Variants in EMC10 observed in about 807,000 individuals in gnomAD.
The protein encoded by EMC10 is UPF0510 protein INM02.
Under a neutral mutation model 32.2 loss-of-function variants are expected in EMC10, and 40 were observed. The ratio of observed to expected loss-of-function variants is 1.24; its 90% CI spans 0.96 to 1.61. EMC10 has a LOEUF of 1.61. Ranked by LOEUF, EMC10 falls within the 40% of genes most tolerant of loss-of-function variation. The pLI is 0.00. For synonymous variants in EMC10, 178 were observed against 158.4 expected (o/e 1.12, Z -0.93); for missense variants, 402 against 357.7 (o/e 1.12, Z -1.00).
intron 2 of EMC10, 109 bp from the exon 3 acceptor site, chr19:50,478,848 G>T: frequency 1.3e-6 from 1 of 742,636 alleles, no homozygotes; most frequent in East Asian, 2.7e-5. Flanking sequence ...AGGGAACCTG[G>T]TCACTCGGGT....
Position 50,488,251 on chromosome 19 carries a change from G to T in EMC10, c.*5992G>T, listed in dbSNP as rs1481973115. 7.4e-6 allele frequency: 1 copy of T among 134,766 alleles called. No homozygotes were observed. Among genetic ancestry groups the T allele is most frequent in the Non-Finnish European group, 1.5e-5 (1 of 65,224 alleles). The allele number at this position is 134,766 out of a possible 1,614,324, so 8.3% of individuals were successfully genotyped here. A position where few individuals can be genotyped will look rare whatever the true frequency, so the allele number is the denominator to read the frequency against. On this transcript the variant is annotated 3_prime_UTR_variant, in exon 7 of 7. Coordinates refer to ENST00000334976, the MANE Select transcript of EMC10 (RefSeq NM_206538.4). ...GCGGAGCTTGCAGTGAGCCGAGATT[G>T]CGCCACTGCACTCCAGCCTGGGCGA...
At position 50,483,039 on chromosome 19, in the gene EMC10, A is replaced by C; in HGVS notation, c.*780A>C. 1 of 551,938 alleles carries C rather than the reference A, an allele frequency of 1.8e-6. No individual in the cohort carries two copies. The highest frequency in any genetic ancestry group is 2.2e-5 in the Admixed American group (1 of 45,002). The allele number at this position is 551,938 out of a possible 1,614,324, so 34.2% of individuals were successfully genotyped here. A position where few individuals can be genotyped will look rare whatever the true frequency, so the allele number is the denominator to read the frequency against. On this transcript the variant is annotated 3_prime_UTR_variant, in exon 7 of 7. Coordinates refer to ENST00000334976, the MANE Select transcript of EMC10 (RefSeq NM_206538.4). ...CCTCCACCACCCCCCGCCGCCCAGC[A>C]TCCTACCTGGACTGCGGTGCTACGA...
intron 1 of EMC10, 170 bp downstream of exon 1, chr19:50,476,828 G>A (rs2040231999): frequency 3.8e-6 from 2 of 528,010 alleles, no homozygotes; most frequent in South Asian, 5.2e-5. Flanking sequence ...GGCCTCGCCA[G>A]TGCACCGGGT....
In EMC10 at chr19:50,487,436, G is replaced by A. The variant is rs1028371346; in HGVS notation, c.*5177G>A. 6.6e-6 allele frequency: 1 copy of A among 152,466 alleles called. No homozygotes were observed. The highest frequency in any genetic ancestry group is 2.4e-5 in the African/African-American group (1 of 41,450). The allele number at this position is 152,466 out of a possible 1,614,324, so 9.4% of individuals were successfully genotyped here. On this transcript the variant is annotated 3_prime_UTR_variant, in exon 7 of 7. Transcript: ENST00000334976. ...AAGTTGCTTCCTGTCTCTGAGCGTC[G>A]TCTTTGTTTCCGCCTTCCTGGGCCT... is the stretch of plus-strand genomic sequence containing the variant.
At chr19:50,481,991 T>G (rs968656298) in intron 6 of EMC10, 158 bp from the exon 7 acceptor site, 8 of 1,602,866 alleles carry the variant, frequency 5.0e-6, no homozygotes, top group African/African-American at 2.7e-5. Context: ...CCACTGGCCC[T>G]CCCTGACCTG....
chr19:50,478,737 G>C (rs2040269785), intron 2 of EMC10, among the ~76,000 whole-genome samples: 2 of 152,214 alleles, frequency 1.3e-5, no homozygotes. Flanking sequence ...CAGGATTTGG[G>C]AGCTGTGGGG....
intron 1 of EMC10, chr19:50,476,888 C>CG (rs764330009): frequency 1.3e-5 from 5 of 390,348 alleles, no homozygotes; most frequent in Non-Finnish European, 2.3e-5. Flanking sequence ...GGCTCTGGCT[C>CG]GGGAATATGT....
At position 50,486,102 on chromosome 19, in the gene EMC10, T is replaced by C. The variant is rs1978342682; in HGVS notation, c.*3843T>C. ...TTGCATGGCAAACAATCCTAAAATA[T>C]ACAAGACTACATTTAGTATTTTGTA... On this transcript the variant is annotated 3_prime_UTR_variant, in exon 7 of 7. Coordinates refer to ENST00000334976, the MANE Select transcript of EMC10 (RefSeq NM_206538.4). The C allele has an allele frequency of 6.6e-6, 1 of 152,206 alleles. No homozygotes were observed. The highest frequency in any genetic ancestry group is 6.6e-5 in the Admixed American group (1 of 15,266). The allele number at this position is 152,206 out of a possible 1,614,324, so 9.4% of individuals were successfully genotyped here.
Position 50,480,559 on chromosome 19 carries a change from A to G in EMC10, c.403-22A>G, listed in dbSNP as rs2040301466. On this transcript the variant is annotated intron_variant, in intron 4 of 6. Coordinates refer to ENST00000334976, the MANE Select transcript of EMC10 (RefSeq NM_206538.4). The surrounding 1 kb of genome is among the most constrained non-coding windows in gnomAD (Gnocchi z 4.4). ...CCCAGGCAGCAGGCTCCCCACCTCC[A>G]CTGACCCCACTCCCCCCACAGTGCT... 1.9e-6 allele frequency: 3 copies of G among 1,549,194 alleles called. No homozygotes were observed. Among genetic ancestry groups the G allele is most frequent in the Admixed American group, 2.0e-5 (1 of 50,828 alleles).
At position 50,479,037 on chromosome 19, in the gene EMC10, C is replaced by T. The variant is rs372370242; in HGVS notation, c.268C>T (p.Leu90Phe). The T allele has an allele frequency of 4.3e-5, 70 of 1,609,232 alleles. No homozygotes were observed. The highest frequency in any genetic ancestry group is 5.6e-5 in the Non-Finnish European group (66 of 1,178,828). The change falls in exon 3 of 7, where the codon CTC (leucine) becomes TTC (phenylalanine). Residue 90 changes from leucine to phenylalanine, a missense_variant. Leu to Phe is a conservative substitution (Grantham distance 22). Coordinates refer to ENST00000334976, the MANE Select transcript of EMC10 (RefSeq NM_206538.4). ...DGTLSLSQRQ[L>F]SEEERGRLRD... ...TACCTTGTCCCTGTCACAGCGGCAG[C>T]TCAGCGAGGAGGAGCGGGGCCGACT...
rs1458867074 is a variant in EMC10 at position 50,484,864 on chromosome 19, C to T, written c.*2605C>T. ...ACAAAAGATGCAGTGGAATCCACGT[C>T]CAGAAACTGTATGCTCACTCTGGGC... is the stretch of plus-strand genomic sequence containing the variant. On this transcript the variant is annotated 3_prime_UTR_variant, in exon 7 of 7. Coordinates refer to ENST00000334976, the MANE Select transcript of EMC10 (RefSeq NM_206538.4). 5 of 152,190 alleles carry T rather than the reference C, an allele frequency of 3.3e-5. No individual in the cohort carries two copies. 9.4% of individuals were successfully genotyped at this position (152,190 alleles called of 1,614,324 possible).
In EMC10 at chr19:50,478,959, GACAGTGCCA is replaced by G; in HGVS notation, c.193_201del (p.Ser65_Asn67del). ...CTCTGAACCTGAGCTCCTCACAGAT[GACAGTGCCA>G]ACTTCCGGAAGCGGGGCTCACTGCT... On this transcript the variant is annotated inframe_deletion, in exon 3 of 7. Coordinates refer to ENST00000334976, the MANE Select transcript of EMC10 (RefSeq NM_206538.4). 6.2e-7 allele frequency: 1 copy of G among 1,604,956 alleles called. No homozygotes were observed. Among genetic ancestry groups the G allele is most frequent in the Non-Finnish European group, 8.5e-7 (1 of 1,176,350 alleles).
At position 50,483,243 on chromosome 19, in the gene EMC10, T is replaced by TA. The variant is rs1202109682; in HGVS notation, c.*985dup. ...TGATTGAAATTCACTGCTCACTTGA[T>TA]ACGTTATTCAGAAACCCAAGGAATG... On this transcript the variant is annotated 3_prime_UTR_variant, in exon 7 of 7. Transcript: ENST00000334976. 31 of 405,402 alleles carry TA rather than the reference T, an allele frequency of 7.6e-5. No individual in the cohort carries two copies. Among genetic ancestry groups the TA allele is most frequent in the South Asian group, 4.6e-4 (26 of 56,278 alleles). 25.1% of individuals were successfully genotyped at this position (405,402 alleles called of 1,614,324 possible). A position where few individuals can be genotyped will look rare whatever the true frequency, so the allele number is the denominator to read the frequency against.
chr19:50,479,786 G>A (rs11878337), intron 3 of EMC10, among the ~76,000 whole-genome samples: 213 of 152,350 alleles, frequency 1.4e-3, no homozygotes, highest in African/African-American at 4.9e-3. Context: ...GGTACGTCCA[G>A]GCATAGGGTG....
In EMC10 at chr19:50,483,184, G is replaced by A. The variant is rs1037397297; in HGVS notation, c.*925G>A. Reference sequence around the variant, plus strand: ...CAGCTTCCAGCAGCCAAAAGCAACTGTTGTTTTGGCAAGACGGTCCTGATG... The same window carrying A: ...CAGCTTCCAGCAGCCAAAAGCAACTATTGTTTTGGCAAGACGGTCCTGATG... On this transcript the variant is annotated 3_prime_UTR_variant, in exon 7 of 7. Transcript: ENST00000334976. The A allele has an allele frequency of 1.3e-5, 6 of 453,698 alleles. No individual in the cohort carries two copies. The highest frequency in any genetic ancestry group is 1.2e-4 in the Admixed American group (5 of 42,204). 28.1% of individuals were successfully genotyped at this position (453,698 alleles called of 1,614,324 possible).
Position 50,482,132 on chromosome 19 carries a change from C to G in EMC10, c.679-17C>G. ...CTCTTTCTGTGTCTGTCTGTCCATC[C>G]TTCCGTCCGGCTGCAGTGGATGTAC... On this transcript the variant is annotated splice_polypyrimidine_tract_variant and intron_variant, in intron 6 of 6. Transcript: ENST00000334976. The G allele has an allele frequency of 6.6e-7, 1 of 1,519,328 alleles. No individual in the cohort carries two copies. The highest frequency in any genetic ancestry group is 1.7e-5 in the Admixed American group (1 of 59,868). The allele number at this position is 1,519,328 out of a possible 1,614,324, so 94.1% of individuals were successfully genotyped here.
chr19:50,480,606 C>T lies in EMC10; in HGVS notation c.428C>T (p.Ser143Leu), dbSNP rs770934312. 1.9e-5 allele frequency: 29 copies of T among 1,564,574 alleles called. No homozygotes were observed. Among genetic ancestry groups the T allele is most frequent in the South Asian group, 4.7e-5 (4 of 85,056 alleles). Residue 143 changes from serine to leucine, a missense_variant, in exon 5 of 7, where the codon TCG (serine) becomes TTG (leucine). Ser to Leu is a moderately radical substitution (Grantham distance 145). Transcript: ENST00000334976. This position sits in a 1 kb window ranked among gnomAD's most constrained non-coding sequence, Gnocchi z 4.4. ...TGCTCCCTGGTGGAGTCGCACCTGT[C>T]GGACCAGCTGACCCTGCACGTGGAT... ...PACSLVESHL[S>L]DQLTLHVDVA...
chr19:50,486,494 C>T lies in EMC10; in HGVS notation c.*4235C>T, dbSNP rs569151380. The T allele has an allele frequency of 1.3e-5, 2 of 152,262 alleles. No individual in the cohort carries two copies. Among genetic ancestry groups the T allele is most frequent in the Non-Finnish European group, 1.5e-5 (1 of 68,010 alleles). The allele number at this position is 152,262 out of a possible 1,614,324, so 9.4% of individuals were successfully genotyped here. A position where few individuals can be genotyped will look rare whatever the true frequency, so the allele number is the denominator to read the frequency against. ...AGCCACCGCCCCTGGCCTCTGTAGGCTTCTTTAACCCATCAGAGAGACTCC... is the reference window on the plus strand; with the variant it reads ...AGCCACCGCCCCTGGCCTCTGTAGGTTTCTTTAACCCATCAGAGAGACTCC... On this transcript the variant is annotated 3_prime_UTR_variant, in exon 7 of 7. Transcript: ENST00000334976.
Position 50,484,591 on chromosome 19 carries a change from G to A in EMC10, c.*2332G>A, listed in dbSNP as rs2040369679. On this transcript the variant is annotated 3_prime_UTR_variant, in exon 7 of 7. Coordinates refer to ENST00000334976, the MANE Select transcript of EMC10 (RefSeq NM_206538.4). The stretch of plus-strand genomic sequence containing the variant: ...TGTTCTTATTAAACTTTTCTTCCCC[G>A]TCTGGCCGGTCCTTGGGGAACCCAC... 6.6e-6 allele frequency: 1 copy of A among 151,932 alleles called. No individual in the cohort carries two copies. The highest frequency in any genetic ancestry group is 1.5e-5 in the Non-Finnish European group (1 of 68,012). 9.4% of individuals were successfully genotyped at this position (151,932 alleles called of 1,614,324 possible). A position where few individuals can be genotyped will look rare whatever the true frequency, so the allele number is the denominator to read the frequency against.
Sources: gnomAD v4.1 joint callset for allele counts (sites outside exome capture counted in the v4.1 genomes callset) on GRCh38, gnomAD v4.1.1 for gene constraint, Gnocchi (gnomAD v3.1) non-coding constraint, MANE v1.5 for transcripts, NCBI Gene and HGNC (gene_info 2026-07-23, HGNC 2026-07-21) for gene names.